Variants in CLPB observed in about 807,000 individuals in gnomAD.
The protein encoded by CLPB is ClpB family mitochondrial disaggregase, also known as mitochondrial disaggregase.
A neutral mutation model predicts 78.4 loss-of-function variants in CLPB; 40 were observed. The ratio of observed to expected loss-of-function variants is 0.51; its 90% CI spans 0.40 to 0.66. The LOEUF is 0.66. Ranked by LOEUF, CLPB falls within the 30% of genes least tolerant of loss-of-function variation. The probability of loss-of-function intolerance (pLI) is 0.00; values close to 1 mark genes in which losing one functional copy is unlikely to be tolerated. For missense variants in CLPB, 780 were observed against 886.9 expected, an observed-to-expected ratio of 0.88 and a Z score of 1.53; for synonymous variants, 333 against 348.0, an observed-to-expected ratio of 0.96 and a Z score of 0.48.
intron 2 of CLPB, among the ~76,000 whole-genome samples, chr11:72,423,654 T>C (rs1375989675): frequency 6.6e-6 from 1 of 152,252 alleles, no homozygotes; most frequent in African/African-American, 2.4e-5. Flanking sequence ...CAGATCTATA[T>C]CATGTCACAA....
chr11:72,356,265 C>T (rs765514313), intron 5 of CLPB, among the ~76,000 whole-genome samples: 2 of 138,902 alleles, frequency 1.4e-5, no homozygotes, highest in Non-Finnish European at 3.1e-5. Flanking sequence ...GCAATAAGAG[C>T]GAAAATCTGT....
In CLPB at chr11:72,293,497, T is replaced by G. The variant is rs1949488171; in HGVS notation, c.1904A>C (p.Glu635Ala). 6.2e-7 allele frequency: 1 copy of G among 1,613,962 alleles called. No homozygotes were observed. Among genetic ancestry groups the G allele is most frequent in the South Asian group, 1.1e-5 (1 of 91,080 alleles). The change falls in exon 16 of 16, where the codon GAA (glutamate) becomes GCA (alanine). Residue 635 changes from glutamate (E) to alanine (A), a missense_variant. Transcript: ENST00000538039. ...DSDKQLLKSPELPSPQAEKRL... is the reference protein window; with the variant it reads ...DSDKQLLKSPALPSPQAEKRL... ...CTTCTCAGCCTGGGGTGAGGGCAGT[T>G]CTGGGCTTTTGAGTAGCTGCTTGTC...
chr11:72,401,624 T>C (rs1476863300), intron 3 of CLPB, among the ~76,000 whole-genome samples: 2 of 152,140 alleles, frequency 1.3e-5, no homozygotes, highest in Admixed American at 1.3e-4. Flanking sequence ...ACCTCTAGAT[T>C]ATAAAATCCC....
At chr11:72,358,287 A>G (rs1260204264) in intron 5 of CLPB, among the ~76,000 whole-genome samples, 1 of 152,266 alleles carries the variant, frequency 6.6e-6, no homozygotes, top group Non-Finnish European at 1.5e-5. Context: ...CCAGTCAGCC[A>G]TGGTTCTTGC....
At position 72,430,472 on chromosome 11, in the gene CLPB, G is replaced by C. The variant is rs1856513447; in HGVS notation, c.404-109C>G. ...GCAGTACTTTAGAAACGTGGACTTTGACAAGCAAACTGATGTCACAATATA... is the reference window on the plus strand; with the variant it reads ...GCAGTACTTTAGAAACGTGGACTTTCACAAGCAAACTGATGTCACAATATA... On this transcript the variant is annotated intron_variant, in intron 1 of 15. Transcript: ENST00000538039. The C allele has an allele frequency of 3.3e-5, 29 of 871,910 alleles. 1 individual carries two copies. In the South Asian group the frequency reaches 4.7e-4, roughly 14 times the overall value. The allele number at this position is 871,910 out of a possible 1,614,324, so 54.0% of individuals were successfully genotyped here.
chr11:72,429,624 G>A (rs985336340), intron 2 of CLPB, among the ~76,000 whole-genome samples: 7 of 152,202 alleles, frequency 4.6e-5, no homozygotes, highest in Non-Finnish European at 7.3e-5. Context: ...TAAGACCTCT[G>A]CCCTTAACCA....
chr11:72,386,152 C>A (rs1343656269), intron 3 of CLPB, among the ~76,000 whole-genome samples: 1 of 151,198 alleles, frequency 6.6e-6, no homozygotes, highest in Non-Finnish European at 1.5e-5. Flanking sequence ...TTTTTTTCTT[C>A]TTTTCCAGAA....
intron 5 of CLPB, among the ~76,000 whole-genome samples, chr11:72,356,282 TAA>T (rs375776547): frequency 1.6e-4 from 22 of 136,720 alleles, no homozygotes; most frequent in East Asian, 2.1e-4. Context: ...CTGTCTCAAT[TAA>T]AAAAAAAAAA....
chr11:72,371,031 G>A (rs545785869), intron 4 of CLPB, among the ~76,000 whole-genome samples: 23 of 152,212 alleles, frequency 1.5e-4, no homozygotes, highest in African/African-American at 4.6e-4. Context: ...GTCTATCAGC[G>A]TGAAACATAA....
intron 3 of CLPB, among the ~76,000 whole-genome samples, chr11:72,396,082 T>G (rs1358228011): frequency 6.6e-6 from 1 of 152,144 alleles, no homozygotes; most frequent in Non-Finnish European, 1.5e-5. Context: ...AAATGACTGC[T>G]GTGAGAGGGA....
chr11:72,421,704 C>A (rs1410498273), intron 2 of CLPB, among the ~76,000 whole-genome samples: 1 of 152,192 alleles, frequency 6.6e-6, no homozygotes, highest in East Asian at 1.9e-4. Context: ...AACTGCCTGC[C>A]TCTGCAGGGC....
chr11:72,427,992 A>G (rs1240677361), intron 2 of CLPB, among the ~76,000 whole-genome samples: 1 of 152,136 alleles, frequency 6.6e-6, no homozygotes. Context: ...GGAATTCCAG[A>G]AAGTTTCCTT....
chr11:72,426,211 G>C (rs1856370253), intron 2 of CLPB, among the ~76,000 whole-genome samples: 2 of 152,208 alleles, frequency 1.3e-5, no homozygotes, highest in Admixed American at 1.3e-4. Flanking sequence ...TGGGAGAAGG[G>C]AGATGGGTAG....
At chr11:72,350,592 T>C (rs959794403) in intron 5 of CLPB, among the ~76,000 whole-genome samples, 1 of 152,206 alleles carries the variant, frequency 6.6e-6, no homozygotes, top group East Asian at 1.9e-4. Context: ...GTTAAAATAA[T>C]AACAGGAAAT....
intron 6 of CLPB, among the ~76,000 whole-genome samples, chr11:72,327,327 C>T (rs181639792): frequency 2.0e-5 from 3 of 152,348 alleles, no homozygotes. Context: ...GGCATAGTTC[C>T]TCCTGCCACC....
chr11:72,391,085 A>G (rs911525884), intron 3 of CLPB, among the ~76,000 whole-genome samples: 1 of 152,134 alleles, frequency 6.6e-6, no homozygotes, highest in Admixed American at 6.5e-5. Flanking sequence ...GAACTTGACC[A>G]TTTGTTCCAA....
intron 3 of CLPB, among the ~76,000 whole-genome samples, chr11:72,399,540 C>G (rs1855503504): frequency 6.6e-6 from 1 of 152,022 alleles, no homozygotes; most frequent in South Asian, 2.1e-4. Context: ...TATTCAAAAC[C>G]AAATAAAATG....
chr11:72,397,228 T>C (rs956978038), intron 3 of CLPB, among the ~76,000 whole-genome samples: 1 of 152,244 alleles, frequency 6.6e-6, no homozygotes, highest in Non-Finnish European at 1.5e-5. Context: ...TTTGTTTGGC[T>C]GTTTTTACCG....
chr11:72,318,764 C>CAA lies in CLPB; in HGVS notation c.874-1546_874-1545dup, dbSNP rs528817350. ...ATCAGTCCTGGGGTTTCATATGGAGCAATAATTCGGCGCCAATCCCAGTGG... is the reference window on the plus strand; with the variant it reads ...ATCAGTCCTGGGGTTTCATATGGAGCAAAATAATTCGGCGCCAATCCCAGTGG... On this transcript the variant is annotated intron_variant, in intron 6 of 15. Coordinates refer to ENST00000538039, the MANE Select transcript of CLPB (RefSeq NM_001258392.3). Among the ~76,000 whole-genome samples, 689 of 152,280 alleles carry CAA rather than the reference C, an allele frequency of 4.5e-3. 4 individuals are homozygous for CAA. The highest frequency in any genetic ancestry group is 5.7e-3 in the Non-Finnish European group (391 of 68,014).
Sources: gnomAD v4.1 joint callset for allele counts (sites outside exome capture counted in the v4.1 genomes callset) on GRCh38, gnomAD v4.1.1 for gene constraint, MANE v1.5 for transcripts, NCBI Gene and HGNC (gene_info 2026-07-23, HGNC 2026-07-21) for gene names.